The following PCDH19 variants were observed in gnomAD, a reference collection of about 807,000 sequenced individuals.
PCDH19 encodes protocadherin 19, also known as protocadherin-19.
Under a neutral mutation model 46.2 loss-of-function variants are expected in PCDH19, and 6 were observed. The ratio of observed to expected loss-of-function variants is 0.13; its 90% confidence interval spans 0.07 to 0.26. PCDH19 has a LOEUF of 0.26. PCDH19 is among the 10% of genes least tolerant of loss of function. The pLI is 1.00. For missense variants in PCDH19, 740 were observed against 972.3 expected (o/e 0.76, Z 3.18); for synonymous variants, 481 against 415.7 (o/e 1.16, Z -1.91).
rs2147443258 is a variant in PCDH19, at chrX:100,294,230, T to C, written c.*2047A>G. 8.9e-6 allele frequency: 1 copy of C among 112,301 alleles called. No individual in the cohort carries two copies. The highest frequency in any genetic ancestry group is 2.8e-4 in the East Asian group (1 of 3,565). The allele number at this position is 112,301 out of a possible 1,213,427, so 9.3% of individuals were successfully genotyped here. A position where few individuals can be genotyped will look rare whatever the true frequency, so the allele number is the denominator to read the frequency against. On this transcript the variant is annotated 3_prime_UTR_variant, in exon 6 of 6. Transcript: ENST00000373034. Reference sequence around the variant, plus strand: ...AATAAATCAGAGGGAGAAAACTGTATGAGAGGCAATGAAATGAGGAAAAAT... The same window carrying C: ...AATAAATCAGAGGGAGAAAACTGTACGAGAGGCAATGAAATGAGGAAAAAT...
Position 100,392,327 on chromosome X carries a change from T to C in PCDH19, c.2616+10197A>G, listed in dbSNP as rs183092046. Among the ~76,000 whole-genome samples the C allele has an allele frequency of 6.2e-3, 695 of 112,395 alleles. 5 individuals are homozygous for C. The highest frequency in any genetic ancestry group is 0.01 in the Non-Finnish European group (555 of 53,267). Reference sequence around the variant, plus strand: ...CCAGTAAAGGCAAAATAGAATGACCTAGAAGTGTAAGCACACACATGCCAT... The same window carrying C: ...CCAGTAAAGGCAAAATAGAATGACCCAGAAGTGTAAGCACACACATGCCAT... On this transcript the variant is annotated intron_variant, in intron 3 of 5. Transcript: ENST00000373034.
At chrX:100,317,956 T>C (rs754446555) in intron 5 of PCDH19, among the ~76,000 whole-genome samples, 1 of 112,273 alleles carries the variant, frequency 8.9e-6, no homozygotes, top group African/African-American at 3.2e-5. Context: ...TGCTGTAGCA[T>C]TGTGTCCAAA....
intron 5 of PCDH19, among the ~76,000 whole-genome samples, chrX:100,306,460 T>C (rs947315625): frequency 9.0e-6 from 1 of 110,757 alleles, no homozygotes; most frequent in African/African-American, 3.3e-5. Flanking sequence ...CATTAAAAAG[T>C]CTGAAAAGGC....
intron 3 of PCDH19, among the ~76,000 whole-genome samples, chrX:100,352,753 T>C (rs752327639): frequency 2.7e-5 from 3 of 112,022 alleles, no homozygotes; most frequent in Non-Finnish European, 5.6e-5. Context: ...TCCACCATGA[T>C]TGTAAGTTTC....
intron 5 of PCDH19, among the ~76,000 whole-genome samples, chrX:100,311,702 G>A (rs1337423861): frequency 9.0e-6 from 1 of 111,197 alleles, no homozygotes; most frequent in Non-Finnish European, 1.9e-5. Context: ...AAGGGATAGT[G>A]TGTGTGTTTT....
chrX:100,326,634 C>T (rs1263704297), intron 5 of PCDH19, among the ~76,000 whole-genome samples: 1 of 111,300 alleles, frequency 9.0e-6, no homozygotes, highest in Admixed American at 9.5e-5. Flanking sequence ...GGAACCAGGG[C>T]TTCTCTTACC....
chrX:100,369,227 T>C (rs1927152980), intron 3 of PCDH19, among the ~76,000 whole-genome samples: 1 of 111,499 alleles, frequency 9.0e-6, no homozygotes, highest in Non-Finnish European at 1.9e-5. Context: ...TTCCAAGATA[T>C]TAACTCCTTC....
At chrX:100,362,659 G>A (rs1255970369) in intron 3 of PCDH19, among the ~76,000 whole-genome samples, 2 of 108,528 alleles carry the variant, frequency 1.8e-5, no homozygotes, top group African/African-American at 6.7e-5. Flanking sequence ...TTAGCCGGGC[G>A]TGGTGGTGGG....
At chrX:100,394,630 T>C (rs916446128) in intron 3 of PCDH19, among the ~76,000 whole-genome samples, 2 of 112,259 alleles carry the variant, frequency 1.8e-5, no homozygotes, top group African/African-American at 6.5e-5. Context: ...ATGGCAGCTG[T>C]CATATTTTAT....
At chrX:100,333,234 AAAGAAAGAAAGAAAGG>A in intron 5 of PCDH19, among the ~76,000 whole-genome samples, 1 of 105,154 alleles carries the variant, frequency 9.5e-6, no homozygotes, top group African/African-American at 3.5e-5. Context: ...AGAAAGAAAG[AAAGAAAGAAAGAAAGG>A]GAAAGTCCCA....
intron 3 of PCDH19, among the ~76,000 whole-genome samples, chrX:100,398,587 G>A (rs1431626584): frequency 6.3e-5 from 7 of 111,923 alleles, no homozygotes; most frequent in South Asian, 7.6e-4. Flanking sequence ...TTGCTTGCCC[G>A]TGAAATCATT....
At chrX:100,327,537 T>C (rs757356081) in intron 5 of PCDH19, among the ~76,000 whole-genome samples, 1 of 112,105 alleles carries the variant, frequency 8.9e-6, no homozygotes, top group Non-Finnish European at 1.9e-5. Flanking sequence ...CCTGAAGTGA[T>C]TGGACACTAT....
chrX:100,368,076 G>A (rs1406458870), intron 3 of PCDH19, among the ~76,000 whole-genome samples: 3 of 111,657 alleles, frequency 2.7e-5, no homozygotes, highest in Admixed American at 1.9e-4. Flanking sequence ...TGGCTCTTCC[G>A]TAAAGTTTGG....
chrX:100,351,747 T>C (rs1926576456), intron 3 of PCDH19, among the ~76,000 whole-genome samples: 1 of 112,570 alleles, frequency 8.9e-6, no homozygotes, highest in Non-Finnish European at 1.9e-5. Flanking sequence ...AATTTCTGTC[T>C]AGCAAACAAA....
intron 5 of PCDH19, among the ~76,000 whole-genome samples, chrX:100,340,126 G>A (rs1926209426): frequency 9.0e-6 from 1 of 111,297 alleles, no homozygotes; most frequent in Admixed American, 9.6e-5. Flanking sequence ...AAATGACTAA[G>A]CTGAAATAAA....
intron 3 of PCDH19, among the ~76,000 whole-genome samples, chrX:100,395,802 G>A (rs1409937165): frequency 8.8e-6 from 1 of 113,231 alleles, no homozygotes; most frequent in Non-Finnish European, 1.9e-5. Flanking sequence ...CCCACTAGAA[G>A]CTGAGTGACC....
chrX:100,407,654 T>G lies in PCDH19; in HGVS notation c.944A>C (p.Asp315Ala). Residue 315 changes from aspartate to alanine, a missense_variant, in exon 1 of 6, where the codon GAC becomes GCC. Coordinates refer to ENST00000373034, the MANE Select transcript of PCDH19 (RefSeq NM_001184880.2). ...DYEEGHVYEL[D>A]VQAKDLGPNS... The stretch of plus-strand genomic sequence containing the variant: ...GGGCCCCAAGTCCTTAGCCTGCACG[T>G]CCAGTTCGTACACGTGCCCCTCTTC... The G allele has an allele frequency of 8.2e-7, 1 of 1,212,228 alleles. No homozygotes were observed. Among genetic ancestry groups the G allele is most frequent in the East Asian group, 3.0e-5 (1 of 33,844 alleles).
chrX:100,313,857 T>TCACA (rs3222341), intron 5 of PCDH19, among the ~76,000 whole-genome samples: 104 of 76,289 alleles, frequency 1.4e-3, no homozygotes, highest in Non-Finnish European at 1.5e-3. Context: ...CTGCTGTTAA[T>TCACA]CACACACACA....
chrX:100,401,258 C>T (rs1168308856), intron 3 of PCDH19, among the ~76,000 whole-genome samples: 1 of 112,013 alleles, frequency 8.9e-6, no homozygotes, highest in Non-Finnish European at 1.9e-5. Context: ...TACTTATAGC[C>T]TTCCTCCCAG....
Sources: allele counts gnomAD v4.1 joint callset (sites outside exome capture counted in the v4.1 genomes callset), GRCh38; gene constraint gnomAD v4.1.1; transcripts MANE v1.5; gene names NCBI Gene and HGNC (gene_info 2026-07-23, HGNC 2026-07-21).